The following ESRRG variants were observed in gnomAD, a reference collection of about 807,000 sequenced individuals.
The protein encoded by ESRRG is estrogen related receptor gamma, also known as estrogen-related receptor gamma.
ESRRG carries 13 observed loss-of-function variants against 44.0 expected under a neutral mutation model. The observed-to-expected ratio is 0.30, with a 90% CI of 0.19 to 0.47. ESRRG has a LOEUF of 0.47. Among genes scored for constraint, ESRRG ranks in the 20% least tolerant of loss-of-function variants. The pLI is 1.00. For synonymous variants in ESRRG, 215 were observed against 214.6 expected, an observed-to-expected ratio of 1.00 and a Z score of -0.02; for missense variants, 395 against 580.6, an observed-to-expected ratio of 0.68 and a Z score of 3.29.
intron 3 of ESRRG, among the ~76,000 whole-genome samples, chr1:216,644,337 T>C (rs570034966): frequency 6.6e-6 from 1 of 152,306 alleles, no homozygotes; most frequent in East Asian, 1.9e-4. Context: ...ATACTGTGTG[T>C]ATTTTCTAGA....
intron 2 of ESRRG, among the ~76,000 whole-genome samples, chr1:216,760,116 G>A (rs539379825): frequency 9.2e-5 from 14 of 152,130 alleles, no homozygotes; most frequent in Admixed American, 7.2e-4. Context: ...GATAGGGACT[G>A]GTCTGTCTTG....
At chr1:216,789,300 T>C (rs2094236919) in intron 2 of ESRRG, among the ~76,000 whole-genome samples, 1 of 152,172 alleles carries the variant, frequency 6.6e-6, no homozygotes, top group Non-Finnish European at 1.5e-5. Context: ...GCAACTGCCA[T>C]GCTGATCAGT....
intron 5 of ESRRG, among the ~76,000 whole-genome samples, chr1:216,544,474 C>T (rs1308845671): frequency 2.6e-5 from 4 of 152,026 alleles, no homozygotes; most frequent in South Asian, 2.1e-4. Context: ...CTGAGGAATA[C>T]GGGGGATACC....
chr1:216,840,371 C>G (rs896331572), intron 2 of ESRRG, among the ~76,000 whole-genome samples: 1 of 152,154 alleles, frequency 6.6e-6, no homozygotes, highest in African/African-American at 2.4e-5. Flanking sequence ...AGAGTTAAGA[C>G]CTTGCTTTTG....
At chr1:217,017,275 T>C (rs1168153868) in intron 1 of ESRRG, among the ~76,000 whole-genome samples, 1 of 151,842 alleles carries the variant, frequency 6.6e-6, no homozygotes, top group Non-Finnish European at 1.5e-5. Flanking sequence ...TACATTACAG[T>C]GAAAGTTACC....
chr1:216,825,200 C>G (rs2095369631), intron 2 of ESRRG, among the ~76,000 whole-genome samples: 1 of 152,194 alleles, frequency 6.6e-6, no homozygotes, highest in African/African-American at 2.4e-5. Context: ...GTGAAAGCTT[C>G]TGGGCCCAGA....
At chr1:216,729,305 G>A (rs1048648680) in intron 2 of ESRRG, among the ~76,000 whole-genome samples, 9 of 152,250 alleles carry the variant, frequency 5.9e-5, no homozygotes, top group East Asian at 3.9e-4. Context: ...TAGTGCCCCC[G>A]TTTGGAGAAT....
chr1:216,940,472 G>C lies in ESRRG; in HGVS notation c.-105-799C>G, dbSNP rs76097218. Reference sequence around the variant, plus strand: ...ATTCTGTGCCGAACTTGCAGCTCAGGGGGTGAGAAGGGAGAAGAGAAGGTT... The same window carrying C: ...ATTCTGTGCCGAACTTGCAGCTCAGCGGGTGAGAAGGGAGAAGAGAAGGTT... On this transcript the variant is annotated intron_variant, in intron 1 of 7. Coordinates refer to the ESRRG transcript ENST00000359162. 3.2e-3 allele frequency among the ~76,000 whole-genome samples: 484 copies of C among 152,278 alleles called. 7 individuals carry two copies. The East Asian group carries it at 0.049, about 16-fold the overall frequency.
intron 2 of ESRRG, among the ~76,000 whole-genome samples, chr1:216,807,060 T>C (rs1387309834): frequency 1.3e-5 from 2 of 152,176 alleles, no homozygotes; most frequent in Non-Finnish European, 2.9e-5. Context: ...TGAGCTTTAA[T>C]GCATTCTGGG....
Position 217,073,374 on chromosome 1 carries a change from C to T in ESRRG, c.-106+16133G>A, listed in dbSNP as rs116155710. ...GGAAGGTCACAGAGAAGCCATCCTA[C>T]TGCACACTGCAGCTTGGAGTTTCAA... On this transcript the variant is annotated intron_variant, in intron 1 of 7. Transcript: ENST00000359162. Among the ~76,000 whole-genome samples the T allele has an allele frequency of 7.4e-3, 1,130 of 152,238 alleles. 17 individuals carry two copies. Among genetic ancestry groups the T allele is most frequent in the African/African-American group, 0.026 (1,062 of 41,552 alleles).
chr1:216,740,227 A>T (rs933157552), intron 2 of ESRRG, among the ~76,000 whole-genome samples: 1 of 152,214 alleles, frequency 6.6e-6, no homozygotes, highest in African/African-American at 2.4e-5. Flanking sequence ...GTTTACAAAA[A>T]ATCTATTTGT....
chr1:216,808,013 G>A (rs1354638626), intron 2 of ESRRG, among the ~76,000 whole-genome samples: 1 of 152,018 alleles, frequency 6.6e-6, no homozygotes, highest in Non-Finnish European at 1.5e-5. Context: ...CTCCTGTTTT[G>A]GAATCAAAAG....
intron 3 of ESRRG, among the ~76,000 whole-genome samples, chr1:216,624,012 G>C (rs896977162): frequency 7.9e-5 from 12 of 151,996 alleles, no homozygotes; most frequent in Non-Finnish European, 1.8e-4. Flanking sequence ...AATAATGTTT[G>C]GAAAAGATCT....
At chr1:216,956,782 C>A (rs1413304133) in intron 1 of ESRRG, among the ~76,000 whole-genome samples, 2 of 152,144 alleles carry the variant, frequency 1.3e-5, no homozygotes, top group African/African-American at 2.4e-5. Context: ...ACAATAAAAT[C>A]TTGAAAGCTA....
chr1:216,838,391 T>C (rs1020178180), intron 2 of ESRRG, among the ~76,000 whole-genome samples: 1 of 152,206 alleles, frequency 6.6e-6, no homozygotes, highest in African/African-American at 2.4e-5. Flanking sequence ...TTTACAAATT[T>C]GTCATTTTTC....
chr1:216,573,804 C>A (rs903941103), intron 3 of ESRRG, among the ~76,000 whole-genome samples: 1 of 151,782 alleles, frequency 6.6e-6, no homozygotes, highest in Admixed American at 6.6e-5. Flanking sequence ...TGTAAGTACA[C>A]AACACAAAGT....
intron 1 of ESRRG, among the ~76,000 whole-genome samples, chr1:217,095,907 A>C (rs374745773): frequency 1.3e-5 from 2 of 152,178 alleles, no homozygotes; most frequent in South Asian, 2.1e-4. Flanking sequence ...TTTAAAACAC[A>C]TTTTTTTAAA....
intron 2 of ESRRG, among the ~76,000 whole-genome samples, chr1:216,928,077 C>A (rs184768477): frequency 1.2e-3 from 176 of 152,212 alleles, no homozygotes; most frequent in African/African-American, 4.0e-3. Flanking sequence ...AAGTCTTGAC[C>A]ATGAGGGATT....
At chr1:217,047,173 C>G (rs142721604) in intron 1 of ESRRG, among the ~76,000 whole-genome samples, 3 of 152,068 alleles carry the variant, frequency 2.0e-5, no homozygotes, top group Non-Finnish European at 4.4e-5. Context: ...TTACCATCTT[C>G]TAATTTAATA....
Sources: gnomAD v4.1 joint callset for allele counts (sites outside exome capture counted in the v4.1 genomes callset) on GRCh38, gnomAD v4.1.1 for gene constraint, MANE v1.5 for transcripts, NCBI Gene and HGNC (gene_info 2026-07-23, HGNC 2026-07-21) for gene names.